GRM5: variants seen among roughly 807,000 people sequenced by gnomAD.
GRM5 encodes the protein glutamate metabotropic receptor 5, also known as metabotropic glutamate receptor 5.
A neutral mutation model predicts 83.1 loss-of-function variants in GRM5; 19 were observed. The ratio of observed to expected loss-of-function variants is 0.23; its 90% CI spans 0.16 to 0.34. The LOEUF (loss-of-function observed/expected upper bound fraction) is 0.34, where lower values mean the gene tolerates loss of function less well. Ranked by LOEUF, GRM5 falls within the 10% of genes least tolerant of loss-of-function variation. GRM5 has a pLI of 1.00. For missense variants in GRM5, 1,160 were observed against 1,588.3 expected, an observed-to-expected ratio of 0.73 and a Z score of 4.58; for synonymous variants, 675 against 633.6, an observed-to-expected ratio of 1.07 and a Z score of -0.98.
In GRM5 at chr11:88,929,336, CAATT is replaced by C. The variant is rs1432456017; in HGVS notation, c.662-79185_662-79182del. Among the ~76,000 whole-genome samples the C allele has an allele frequency of 7.9e-5, 12 of 152,134 alleles. No individual in the cohort carries two copies. The East Asian group carries it at 2.1e-3, about 27-fold the overall frequency. ...TATGCTTTGTAAAGCAAGATTTAAA[CAATT>C]AACAACATACAATTTACTTTTCATC... is the stretch of plus-strand genomic sequence containing the variant. On this transcript the variant is annotated intron_variant, in intron 2 of 9. Transcript: ENST00000305447.
At chr11:89,004,484 C>T (rs760944776) in intron 2 of GRM5, among the ~76,000 whole-genome samples, 37 of 152,114 alleles carry the variant, frequency 2.4e-4, no homozygotes, top group Non-Finnish European at 3.7e-4. Context: ...TACTTTCTTA[C>T]TAAGCAGGAT....
intron 7 of GRM5, 61 bp from the exon 8 acceptor site, chr11:88,568,053 C>A: frequency 9.2e-7 from 1 of 1,083,768 alleles, no homozygotes; most frequent in Non-Finnish European, 1.3e-6. Flanking sequence ...GTCACATATC[C>A]CTAAGTTACA....
chr11:88,980,705 C>G (rs1939493779), intron 2 of GRM5, among the ~76,000 whole-genome samples: 1 of 151,990 alleles, frequency 6.6e-6, no homozygotes, highest in Non-Finnish European at 1.5e-5. Context: ...TGCCTGTAGT[C>G]CCAGCTACTT....
intron 3 of GRM5, among the ~76,000 whole-genome samples, chr11:88,757,127 G>A (rs1025369884): frequency 2.6e-5 from 4 of 152,090 alleles, no homozygotes; most frequent in African/African-American, 9.7e-5. Flanking sequence ...CAGGAGCTGG[G>A]GAAAATATAC....
chr11:88,908,148 C>A (rs1945435151), intron 2 of GRM5, among the ~76,000 whole-genome samples: 1 of 152,068 alleles, frequency 6.6e-6, no homozygotes. Context: ...GCATTCCATA[C>A]AAACATCATG....
intron 2 of GRM5, among the ~76,000 whole-genome samples, chr11:88,967,943 C>A (rs1410752825): frequency 6.6e-6 from 1 of 151,936 alleles, no homozygotes; most frequent in Non-Finnish European, 1.5e-5. Context: ...CACCTAAGAG[C>A]AAAAATAGAG....
At chr11:88,933,240 G>T (rs571318554) in intron 2 of GRM5, among the ~76,000 whole-genome samples, 1 of 113,934 alleles carries the variant, frequency 8.8e-6, no homozygotes, top group South Asian at 2.9e-4. Context: ...CAGTGGAACA[G>T]AATTGTGTTA....
chr11:88,943,381 A>G (rs902285526), intron 2 of GRM5, among the ~76,000 whole-genome samples: 1 of 152,070 alleles, frequency 6.6e-6, no homozygotes, highest in Non-Finnish European at 1.5e-5. Context: ...AATCTTTTTC[A>G]GATAATCATT....
chr11:88,638,272 T>A (rs1200098262), intron 4 of GRM5, among the ~76,000 whole-genome samples: 1 of 151,656 alleles, frequency 6.6e-6, no homozygotes, highest in Non-Finnish European at 1.5e-5. Flanking sequence ...AACCTGTACA[T>A]TGTGCACATG....
At chr11:88,929,699 A>G (rs1937644783) in intron 2 of GRM5, among the ~76,000 whole-genome samples, 1 of 152,148 alleles carries the variant, frequency 6.6e-6, no homozygotes, top group Non-Finnish European at 1.5e-5. Context: ...AAAATAGGTA[A>G]CAATATGAAA....
At chr11:88,757,537 C>G (rs993983157) in intron 3 of GRM5, among the ~76,000 whole-genome samples, 2 of 152,138 alleles carry the variant, frequency 1.3e-5, no homozygotes, top group East Asian at 3.9e-4. Context: ...TGAGCAGCCA[C>G]AGAGAGAGCA....
chr11:88,994,470 T>TATATATATATA, intron 2 of GRM5, among the ~76,000 whole-genome samples: 1 of 109,108 alleles, frequency 9.2e-6, no homozygotes, highest in Non-Finnish European at 1.9e-5. Flanking sequence ...TATATATATA[T>TATATATATATA]ATATATATAT....
intron 1 of GRM5, among the ~76,000 whole-genome samples, chr11:89,049,467 T>G (rs1339214145): frequency 6.6e-6 from 1 of 152,152 alleles, no homozygotes; most frequent in Non-Finnish European, 1.5e-5. Flanking sequence ...AGCACCAACT[T>G]TCAAATACAG....
intron 4 of GRM5, among the ~76,000 whole-genome samples, chr11:88,633,784 G>A (rs910940221): frequency 6.6e-6 from 1 of 152,132 alleles, no homozygotes; most frequent in Non-Finnish European, 1.5e-5. Context: ...GCCTTCCAAA[G>A]TGCTGAGATT....
chr11:88,717,663 A>G (rs1466719821), intron 3 of GRM5, among the ~76,000 whole-genome samples: 1 of 151,860 alleles, frequency 6.6e-6, no homozygotes, highest in Non-Finnish European at 1.5e-5. Flanking sequence ...ATGTTTCTGA[A>G]TAATATTTAA....
chr11:88,944,989 G>A, intron 2 of GRM5, among the ~76,000 whole-genome samples: 1 of 151,732 alleles, frequency 6.6e-6, no homozygotes, highest in East Asian at 1.9e-4. Flanking sequence ...ACGGCTCCTG[G>A]GACTGATAAA....
At chr11:88,679,822 ACATGCTC>A (rs1940431146) in intron 3 of GRM5, among the ~76,000 whole-genome samples, 1 of 152,154 alleles carries the variant, frequency 6.6e-6, no homozygotes, top group African/African-American at 2.4e-5. Context: ...AAGCTTTACC[ACATGCTC>A]AACAAATCGA....
chr11:88,833,244 C>T (rs893687071), intron 3 of GRM5, among the ~76,000 whole-genome samples: 1 of 151,664 alleles, frequency 6.6e-6, no homozygotes, highest in African/African-American at 2.4e-5. Flanking sequence ...TTAGTATATA[C>T]AAGGAACTTA....
At chr11:89,039,278 A>ATAT (rs1555067423) in intron 2 of GRM5, among the ~76,000 whole-genome samples, 29 of 149,174 alleles carry the variant, frequency 1.9e-4, no homozygotes, top group East Asian at 3.9e-4. Context: ...ATAAAAAAAA[A>ATAT]ATATATATAT....
Sources: allele counts gnomAD v4.1 joint callset (sites outside exome capture counted in the v4.1 genomes callset), GRCh38; gene constraint gnomAD v4.1.1; transcripts MANE v1.5; gene names NCBI Gene and HGNC (gene_info 2026-07-23, HGNC 2026-07-21).